The following TIFAB variants were observed in gnomAD, a reference collection of about 807,000 sequenced individuals.
The protein encoded by TIFAB is TIFA inhibitor.
For synonymous variants in TIFAB, 116 were observed against 95.2 expected (o/e 1.22, Z -1.27); for missense variants, 222 against 203.6 (o/e 1.09, Z -0.55).
At position 135,448,343 on chromosome 5, in the gene TIFAB, A is replaced by T. The variant is rs1291668302; in HGVS notation, c.*1111T>A. On this transcript the variant is annotated 3_prime_UTR_variant, in exon 2 of 2. Coordinates refer to ENST00000537858, the MANE Select transcript of TIFAB (RefSeq NM_001099221.2). ...GGTGACCATGTAGATCCCTCCCTGC[A>T]TCACACTAGTGAACGTTGTTTCTAA... The T allele has an allele frequency of 6.6e-6, 1 of 152,068 alleles. No individual in the cohort carries two copies. The highest frequency in any genetic ancestry group is 2.1e-4 in the South Asian group (1 of 4,822). The allele number at this position is 152,068 out of a possible 1,614,324, so 9.4% of individuals were successfully genotyped here.
Position 135,446,234 on chromosome 5 carries a change from AGT to A in TIFAB, c.*3218_*3219del, listed in dbSNP as rs1769257414. On this transcript the variant is annotated 3_prime_UTR_variant, in exon 2 of 2. Transcript: ENST00000537858. ...TGTCCAGGATCACAGAACTATAGTA[AGT>A]GGGGGTGGGGACAAGAATTCTAACC... is the stretch of plus-strand genomic sequence containing the variant. 2.0e-6 allele frequency: 2 copies of A among 990,236 alleles called. No homozygotes were observed. The highest frequency in any genetic ancestry group is 1.6e-5 in the African/African-American group (1 of 61,344). The allele number at this position is 990,236 out of a possible 1,614,324, so 61.3% of individuals were successfully genotyped here.
chr5:135,449,661 G>T lies in TIFAB; in HGVS notation c.279C>A (p.Tyr93Ter). The T allele has an allele frequency of 6.2e-7, 1 of 1,614,188 alleles. No homozygotes were observed. Among genetic ancestry groups the T allele is most frequent in the Non-Finnish European group, 8.5e-7 (1 of 1,180,050 alleles). The part of the protein sequence containing the change: ...CVWVNGLTLR[Y>*]LEQVPLSTVN... ...CGGTGCTCAGGGGGACCTGCTCCAGGTACCTCAGCGTCAGCCCATTGACCC... is the reference window on the plus strand; with the variant it reads ...CGGTGCTCAGGGGGACCTGCTCCAGTTACCTCAGCGTCAGCCCATTGACCC... Residue 93 changes from tyrosine to a stop codon, truncating the protein, a stop_gained, in exon 2 of 2, where the codon TAC becomes TAA. Transcript: ENST00000537858. LOFTEE classifies it low-confidence loss of function (END_TRUNC).
In TIFAB at chr5:135,445,509, C is replaced by A. The variant is rs528856568; in HGVS notation, c.*3945G>T. 1.3e-5 allele frequency: 2 copies of A among 152,462 alleles called. No individual in the cohort carries two copies. Among genetic ancestry groups the A allele is most frequent in the Non-Finnish European group, 2.9e-5 (2 of 68,246 alleles). The allele number at this position is 152,462 out of a possible 1,614,324, so 9.4% of individuals were successfully genotyped here. ...CACTGCCCATGCCGGGCCTGAGGGGCCTGGCTCAGACTTTAGTATCCAAGG... is the reference window on the plus strand; with the variant it reads ...CACTGCCCATGCCGGGCCTGAGGGGACTGGCTCAGACTTTAGTATCCAAGG... On this transcript the variant is annotated 3_prime_UTR_variant, in exon 2 of 2. Coordinates refer to ENST00000537858, the MANE Select transcript of TIFAB (RefSeq NM_001099221.2).
rs1237128847 is a variant in TIFAB at position 135,447,185 on chromosome 5, T to C, written c.*2269A>G. On this transcript the variant is annotated 3_prime_UTR_variant, in exon 2 of 2. Coordinates refer to ENST00000537858, the MANE Select transcript of TIFAB (RefSeq NM_001099221.2). ...CCAAAATACATGTGGCTTCTTCTCC[T>C]TGCCAGCCCTACCAGGGCATCTCCC... is the stretch of plus-strand genomic sequence containing the variant. 1.3e-6 allele frequency: 2 copies of C among 1,575,890 alleles called. No individual in the cohort carries two copies. Among genetic ancestry groups the C allele is most frequent in the African/African-American group, 2.7e-5 (2 of 74,136 alleles).
rs1242967720 is a variant in TIFAB, at chr5:135,448,848, A to G, written c.*606T>C. 1 of 154,280 alleles carries G rather than the reference A, an allele frequency of 6.5e-6. No homozygotes were observed. The highest frequency in any genetic ancestry group is 1.4e-5 in the Non-Finnish European group (1 of 69,318). 9.6% of individuals were successfully genotyped at this position (154,280 alleles called of 1,614,324 possible). On this transcript the variant is annotated 3_prime_UTR_variant, in exon 2 of 2. Transcript: ENST00000537858. The stretch of plus-strand genomic sequence containing the variant: ...ATGTGGCCCATCTGGGGATCAGGGA[A>G]TCCTATTGGGTATGCCAGCTTAATG...
In TIFAB at chr5:135,449,241, G is replaced by A; in HGVS notation, c.*213C>T. ...GTTCATTATGAGCAAGGCAGCCAGT[G>A]GGTTTTGCTTGTCAACCTTGCATGA... is the stretch of plus-strand genomic sequence containing the variant. On this transcript the variant is annotated 3_prime_UTR_variant, in exon 2 of 2. Coordinates refer to ENST00000537858, the MANE Select transcript of TIFAB (RefSeq NM_001099221.2). The A allele has an allele frequency of 1.4e-6, 1 of 717,076 alleles. No homozygotes were observed. The highest frequency in any genetic ancestry group is 2.2e-6 in the Non-Finnish European group (1 of 449,036). The allele number at this position is 717,076 out of a possible 1,614,324, so 44.4% of individuals were successfully genotyped here. A position where few individuals can be genotyped will look rare whatever the true frequency, so the allele number is the denominator to read the frequency against.
In TIFAB at chr5:135,446,844, G is replaced by A. The variant is rs1218150137; in HGVS notation, c.*2610C>T. On this transcript the variant is annotated 3_prime_UTR_variant, in exon 2 of 2. Coordinates refer to ENST00000537858, the MANE Select transcript of TIFAB (RefSeq NM_001099221.2). ...TTGGAGTTGCAGAGTCCCCTGTGGA[G>A]GAATTGAACTGCCCCCTCTCGCAGG... The A allele has an allele frequency of 1.2e-6, 2 of 1,613,958 alleles. No individual in the cohort carries two copies. The highest frequency in any genetic ancestry group is 2.2e-5 in the East Asian group (1 of 44,874).
chr5:135,446,928 G>A lies in TIFAB; in HGVS notation c.*2526C>T. ...GGGTAGAGACCCTCACTGAGGCCCT[G>A]GAGAGGGGCACTCAGGGGCAGCAGC... On this transcript the variant is annotated 3_prime_UTR_variant, in exon 2 of 2. Transcript: ENST00000537858. 6.2e-7 allele frequency: 1 copy of A among 1,613,124 alleles called. No homozygotes were observed. Among genetic ancestry groups the A allele is most frequent in the East Asian group, 2.2e-5 (1 of 44,872 alleles).
At chr5:135,450,005 C>T (rs767795639) in intron 1 of TIFAB, 56 bp from the exon 2 acceptor site, 55 of 1,506,838 alleles carry the variant, frequency 3.7e-5, no homozygotes, top group Non-Finnish European at 4.7e-5. Flanking sequence ...ACCTCTGTGG[C>T]TCCCTGAGCC....
chr5:135,449,839 C>T lies in TIFAB; in HGVS notation c.101G>A (p.Ser34Asn), dbSNP rs545030607. The T allele has an allele frequency of 1.2e-5, 20 of 1,603,872 alleles. No homozygotes were observed. The South Asian group carries it at 2.0e-4, about 16-fold the overall frequency. The change falls in exon 2 of 2, where the codon AGC becomes AAC. Residue 34 changes from serine to asparagine, a missense_variant. Transcript: ENST00000537858. ...NVPPRLQHDT[S>N]PLLLGRGQDA... Reference sequence around the variant, plus strand: ...CTGCCCCCGTCCGAGAAGCAGAGGGCTGGTATCATGCTGCAGCCGTGGTGG... The same window carrying T: ...CTGCCCCCGTCCGAGAAGCAGAGGGTTGGTATCATGCTGCAGCCGTGGTGG...
In TIFAB at chr5:135,449,660, G is replaced by C; in HGVS notation, c.280C>G (p.Leu94Val). 1 of 1,614,186 alleles carries C rather than the reference G, an allele frequency of 6.2e-7. No individual in the cohort carries two copies. The highest frequency in any genetic ancestry group is 8.5e-7 in the Non-Finnish European group (1 of 1,180,050). ...VWVNGLTLRY[L>V]EQVPLSTVNR... ...ACGGTGCTCAGGGGGACCTGCTCCA[G>C]GTACCTCAGCGTCAGCCCATTGACC... Residue 94 changes from leucine (L) to valine (V), a missense_variant, in exon 2 of 2, where the codon CTG becomes GTG. Transcript: ENST00000537858.
rs1045913614 is a variant in TIFAB at position 135,445,755 on chromosome 5, A to T, written c.*3699T>A. On this transcript the variant is annotated 3_prime_UTR_variant, in exon 2 of 2. Coordinates refer to ENST00000537858, the MANE Select transcript of TIFAB (RefSeq NM_001099221.2). ...TATGCTGTCTAGCGTGTCTGCTGTG[A>T]CTTCCTCATGGCAGAGCCCCACACT... 1.3e-5 allele frequency: 2 copies of T among 152,464 alleles called. No homozygotes were observed. The highest frequency in any genetic ancestry group is 2.9e-5 in the Non-Finnish European group (2 of 68,280). 9.4% of individuals were successfully genotyped at this position (152,464 alleles called of 1,614,324 possible). A position where few individuals can be genotyped will look rare whatever the true frequency, so the allele number is the denominator to read the frequency against.
chr5:135,447,215 T>A lies in TIFAB; in HGVS notation c.*2239A>T, dbSNP rs938525913. On this transcript the variant is annotated 3_prime_UTR_variant, in exon 2 of 2. Transcript: ENST00000537858. ...AGCCCTACCAGGGCATCTCCCATTA[T>A]ACTAACCCTGCCTATTGGACCTTCT... 241 of 1,385,970 alleles carry A rather than the reference T, an allele frequency of 1.7e-4. 2 individuals are homozygous for A. In the South Asian group the frequency reaches 2.9e-3, roughly 17 times the overall value. 85.9% of individuals were successfully genotyped at this position (1,385,970 alleles called of 1,614,324 possible).
intron 1 of TIFAB, 57 bp from the exon 2 acceptor site, chr5:135,450,006 T>G: frequency 2.0e-6 from 3 of 1,506,268 alleles, no homozygotes; most frequent in Non-Finnish European, 2.7e-6. Flanking sequence ...CCTCTGTGGC[T>G]CCCTGAGCCC....
In TIFAB at chr5:135,444,364, T is replaced by C. The variant is rs1304403424; in HGVS notation, c.*5090A>G. 1 of 152,298 alleles carries C rather than the reference T, an allele frequency of 6.6e-6. No homozygotes were observed. The highest frequency in any genetic ancestry group is 1.5e-5 in the Non-Finnish European group (1 of 68,080). 9.4% of individuals were successfully genotyped at this position (152,298 alleles called of 1,614,324 possible). A position where few individuals can be genotyped will look rare whatever the true frequency, so the allele number is the denominator to read the frequency against. ...GGGTTGTTTACTCCTCCCACAGTCT[T>C]GGATGGGTTTTGAGGGTCTGGTGCG... is the stretch of plus-strand genomic sequence containing the variant. On this transcript the variant is annotated 3_prime_UTR_variant, in exon 2 of 2. Coordinates refer to ENST00000537858, the MANE Select transcript of TIFAB (RefSeq NM_001099221.2).
rs1045042592 is a variant in TIFAB at position 135,444,635 on chromosome 5, A to G, written c.*4819T>C. 2 of 152,262 alleles carry G rather than the reference A, an allele frequency of 1.3e-5. No homozygotes were observed. Among genetic ancestry groups the G allele is most frequent in the African/African-American group, 4.8e-5 (2 of 41,456 alleles). The allele number at this position is 152,262 out of a possible 1,614,324, so 9.4% of individuals were successfully genotyped here. A position where few individuals can be genotyped will look rare whatever the true frequency, so the allele number is the denominator to read the frequency against. ...GGTCGCAATGCGCTGTCCCCACCACATGGAGCTTGCTTGCCTCCGCACCTC... is the reference window on the plus strand; with the variant it reads ...GGTCGCAATGCGCTGTCCCCACCACGTGGAGCTTGCTTGCCTCCGCACCTC... On this transcript the variant is annotated 3_prime_UTR_variant, in exon 2 of 2. Transcript: ENST00000537858.
At position 135,447,020 on chromosome 5, in the gene TIFAB, G is replaced by C. The variant is rs766858202; in HGVS notation, c.*2434C>G. 6 of 1,613,892 alleles carry C rather than the reference G, an allele frequency of 3.7e-6. No homozygotes were observed. The Admixed American group carries it at 5.0e-5, about 13-fold the overall frequency. ...TGGGAACTCTGGGGTTTCCCCACCA[G>C]CTCCTCTCTCCAGTCTTTGGTGTCC... On this transcript the variant is annotated 3_prime_UTR_variant, in exon 2 of 2. Coordinates refer to ENST00000537858, the MANE Select transcript of TIFAB (RefSeq NM_001099221.2).
In TIFAB at chr5:135,447,170, T is replaced by A. The variant is rs1769284733; in HGVS notation, c.*2284A>T. 3.1e-6 allele frequency: 5 copies of A among 1,606,082 alleles called. No individual in the cohort carries two copies. In the South Asian group the frequency reaches 5.5e-5, roughly 18 times the overall value. ...CTGCTTTTCATCAGACCAAAATACA[T>A]GTGGCTTCTTCTCCTTGCCAGCCCT... is the stretch of plus-strand genomic sequence containing the variant. On this transcript the variant is annotated 3_prime_UTR_variant, in exon 2 of 2. Coordinates refer to ENST00000537858, the MANE Select transcript of TIFAB (RefSeq NM_001099221.2).
In TIFAB at chr5:135,452,229, G is replaced by A. The variant is rs1274517559; in HGVS notation, c.-31C>T. 1 of 152,292 alleles carries A rather than the reference G, an allele frequency of 6.6e-6. No homozygotes were observed. The highest frequency in any genetic ancestry group is 2.4e-5 in the African/African-American group (1 of 41,452). The allele number at this position is 152,292 out of a possible 1,614,324, so 9.4% of individuals were successfully genotyped here. A position where few individuals can be genotyped will look rare whatever the true frequency, so the allele number is the denominator to read the frequency against. On this transcript the variant is annotated 5_prime_UTR_variant, in exon 1 of 2. Coordinates refer to ENST00000537858, the MANE Select transcript of TIFAB (RefSeq NM_001099221.2). Reference sequence around the variant, plus strand: ...CTTACCTTATTGCCGGGGCACATCTGGCTCTAGTCCTGCAGCTGTGAGCTC... The same window carrying A: ...CTTACCTTATTGCCGGGGCACATCTAGCTCTAGTCCTGCAGCTGTGAGCTC...
Sources: gnomAD v4.1 joint callset for allele counts on GRCh38, gnomAD v4.1.1 for gene constraint, MANE v1.5 for transcripts, NCBI Gene and HGNC (gene_info 2026-07-23, HGNC 2026-07-21) for gene names.